Variants in QTMAN observed in about 807,000 individuals in gnomAD.
QTMAN encodes tRNA-queuosine alpha-mannosyltransferase.
chr2:144,308,162 G>GTTTTT, the QTMAN span, among the ~76,000 whole-genome samples: 65 of 110,804 alleles, frequency 5.9e-4, no homozygotes, highest in Middle Eastern at 4.8e-3. Flanking sequence ...ATGATTGGTT[G>GTTTTT]TTTTTTTTTT....
At chr2:143,986,489 T>C in the QTMAN span, among the ~76,000 whole-genome samples, 1 of 152,200 alleles carries the variant, frequency 6.6e-6, no homozygotes, top group Non-Finnish European at 1.5e-5. Context: ...ATGTTAGAGC[T>C]AAGGAAAGTC....
the QTMAN span, among the ~76,000 whole-genome samples, chr2:144,090,178 A>T: frequency 1.2e-4 from 19 of 152,162 alleles, no homozygotes; most frequent in East Asian, 2.3e-3. Context: ...ACTCCTGATA[A>T]AACTCTCAGT....
chr2:143,946,712 A>C, the QTMAN span: 1 of 240,622 alleles, frequency 4.2e-6, no homozygotes, highest in African/African-American at 2.2e-5. Context: ...TTCAACCGGA[A>C]ATTCAATGTG....
the QTMAN span, among the ~76,000 whole-genome samples, chr2:143,974,771 G>A: frequency 6.6e-6 from 1 of 151,468 alleles, no homozygotes; most frequent in Non-Finnish European, 1.5e-5. Flanking sequence ...TCACTTTAAT[G>A]CTTTTAAGAA....
the QTMAN span, among the ~76,000 whole-genome samples, chr2:144,184,220 T>TGAATATAAGTGC: frequency 6.6e-5 from 10 of 152,184 alleles, no homozygotes; most frequent in Non-Finnish European, 1.5e-4. Flanking sequence ...AAACATGCAC[T>TGAATATAAGTGC]ATACTGAATA....
the QTMAN span, among the ~76,000 whole-genome samples, chr2:144,021,987 C>T: frequency 4.6e-5 from 7 of 152,150 alleles, no homozygotes; most frequent in South Asian, 1.5e-3. Flanking sequence ...TAAGAAATTA[C>T]TACAATTTTG....
chr2:143,995,550 T>C, the QTMAN span, among the ~76,000 whole-genome samples: 2 of 152,136 alleles, frequency 1.3e-5, no homozygotes, highest in Admixed American at 1.3e-4. Context: ...ATTCCCATCA[T>C]ATAAAGAAGA....
the QTMAN span, among the ~76,000 whole-genome samples, chr2:144,156,524 C>T: frequency 6.6e-6 from 1 of 152,074 alleles, no homozygotes; most frequent in Non-Finnish European, 1.5e-5. Flanking sequence ...TTCACAAACA[C>T]TGATTTGCTA....
the QTMAN span, among the ~76,000 whole-genome samples, chr2:144,305,688 C>T: frequency 1.6e-4 from 25 of 152,262 alleles, no homozygotes; most frequent in African/African-American, 5.5e-4. Flanking sequence ...TGGGATAATA[C>T]TGACATCTTA....
the QTMAN span, among the ~76,000 whole-genome samples, chr2:144,080,428 T>C: frequency 6.6e-6 from 1 of 152,186 alleles, no homozygotes; most frequent in Admixed American, 6.5e-5. Flanking sequence ...TCTCTCAGAT[T>C]AGCTATATAC....
At chr2:144,312,058 C>A in the QTMAN span, among the ~76,000 whole-genome samples, 5 of 152,270 alleles carry the variant, frequency 3.3e-5, no homozygotes, top group Admixed American at 3.3e-4. Flanking sequence ...CTCAAAACCC[C>A]AGATAAATTC....
At chr2:144,210,662 G>A in the QTMAN span, among the ~76,000 whole-genome samples, 10 of 152,118 alleles carry the variant, frequency 6.6e-5, no homozygotes, top group Admixed American at 2.6e-4. Flanking sequence ...TGTTCAATAA[G>A]TTCACAGACA....
chr2:143,999,091 C>T, the QTMAN span, among the ~76,000 whole-genome samples: 1 of 151,950 alleles, frequency 6.6e-6, no homozygotes, highest in Non-Finnish European at 1.5e-5. Flanking sequence ...AAAAAATTCC[C>T]CCTAAACAAA....
At chr2:144,310,796 A>G in the QTMAN span, among the ~76,000 whole-genome samples, 1 of 152,248 alleles carries the variant, frequency 6.6e-6, no homozygotes, top group Non-Finnish European at 1.5e-5. Flanking sequence ...AAGTTTGGGT[A>G]AAAAGATCAG....
At chr2:144,002,973 T>C in the QTMAN span, among the ~76,000 whole-genome samples, 1 of 152,008 alleles carries the variant, frequency 6.6e-6, no homozygotes, top group Non-Finnish European at 1.5e-5. Flanking sequence ...TATCTTCTAC[T>C]TAGACATTAT....
chr2:144,229,875 T>C, the QTMAN span, among the ~76,000 whole-genome samples: 1 of 152,186 alleles, frequency 6.6e-6, no homozygotes, highest in Non-Finnish European at 1.5e-5. Flanking sequence ...AGGCTTCCTC[T>C]GTAAAACAGA....
the QTMAN span, among the ~76,000 whole-genome samples, chr2:144,212,352 C>T: frequency 1.3e-5 from 2 of 152,102 alleles, no homozygotes; most frequent in Admixed American, 1.3e-4. Flanking sequence ...ATCCCAGCTA[C>T]TTGGGAGGCT....
the QTMAN span, among the ~76,000 whole-genome samples, chr2:144,172,062 AT>A: frequency 6.6e-6 from 1 of 152,160 alleles, no homozygotes; most frequent in Non-Finnish European, 1.5e-5. Flanking sequence ...ATCTTATGAC[AT>A]AAAAAGTATA....
the QTMAN span, among the ~76,000 whole-genome samples, chr2:144,231,164 C>A: frequency 2.0e-5 from 3 of 152,056 alleles, no homozygotes; most frequent in South Asian, 2.1e-4. Flanking sequence ...AATTTTGACA[C>A]TAAAGTATGT....
Sources: gnomAD v4.1 joint callset for allele counts (sites outside exome capture counted in the v4.1 genomes callset) on GRCh38, gnomAD v4.1.1 for gene constraint, MANE v1.5 for transcripts, NCBI Gene and HGNC (gene_info 2026-07-23, HGNC 2026-07-21) for gene names.